Variants in KIAA1671 observed in about 807,000 individuals in gnomAD.
KIAA1671 encodes the protein uncharacterized protein KIAA1671.
A neutral mutation model predicts 131.2 loss-of-function variants in KIAA1671; 52 were observed. The ratio of observed to expected loss-of-function variants is 0.40; its 90% confidence interval spans 0.32 to 0.50. The LOEUF (loss-of-function observed/expected upper bound fraction) is 0.50, where lower values mean the gene tolerates loss of function less well. Among genes scored for constraint, KIAA1671 ranks in the 20% least tolerant of loss-of-function variants. The pLI is 0.73. For missense variants in KIAA1671, 2,360 were observed against 2,364.2 expected (o/e 1.00, Z 0.04); for synonymous variants, 1,003 against 961.6 (o/e 1.04, Z -0.80).
intron 1 of KIAA1671, among the ~76,000 whole-genome samples, chr22:24,976,857 A>G (rs1922942427): frequency 6.6e-6 from 1 of 152,120 alleles, no homozygotes; most frequent in South Asian, 2.1e-4. Context: ...CCTGCCAGTC[A>G]TGAGTGGGAC....
Position 25,028,004 on chromosome 22 carries a change from C to A in KIAA1671, c.5C>A (p.Ala2Asp). The A allele has an allele frequency of 6.8e-7, 1 of 1,479,112 alleles. No homozygotes were observed. Among genetic ancestry groups the A allele is most frequent in the Non-Finnish European group, 9.0e-7 (1 of 1,110,884 alleles). The allele number at this position is 1,479,112 out of a possible 1,614,324, so 91.6% of individuals were successfully genotyped here. A position where few individuals can be genotyped will look rare whatever the true frequency, so the allele number is the denominator to read the frequency against. M[A>D]TRVEVGSITP... ...CATGAATCCACAACCATAACCATGG[C>A]CACGCGGGTCGAGGTGGGCTCCATA... is the stretch of plus-strand genomic sequence containing the variant. Residue 2 changes from alanine to aspartate, a missense_variant, in exon 3 of 13, where the codon GCC becomes GAC. Ala to Asp is a moderately radical substitution (Grantham distance 126). Around this residue, in one of 3 missense-constraint regions of KIAA1671, gnomAD observed 1,185 missense variants for 1,126.2 expected, o/e 1.05. Coordinates refer to ENST00000358431, the MANE Select transcript of KIAA1671 (RefSeq NM_001145206.2).
chr22:25,020,837 G>A (rs1211938646), intron 1 of KIAA1671, among the ~76,000 whole-genome samples: 2 of 152,198 alleles, frequency 1.3e-5, no homozygotes, highest in Non-Finnish European at 2.9e-5. Flanking sequence ...ACAGACAGAT[G>A]GGGTGGTGTC....
intron 6 of KIAA1671, among the ~76,000 whole-genome samples, chr22:25,164,306 C>G (rs1372349359): frequency 1.3e-5 from 2 of 152,228 alleles, no homozygotes; most frequent in Non-Finnish European, 2.9e-5. Flanking sequence ...ACCAGGAGAA[C>G]TAAGAGCCCC....
intron 6 of KIAA1671, among the ~76,000 whole-genome samples, chr22:25,096,494 C>T (rs1185937816): frequency 6.6e-6 from 1 of 152,178 alleles, no homozygotes; most frequent in Non-Finnish European, 1.5e-5. Context: ...ATCTTCCCTC[C>T]CTGTTGCCCG....
chr22:24,968,958 G>GGTGC (rs1922452584), intron 1 of KIAA1671, among the ~76,000 whole-genome samples: 2 of 152,106 alleles, frequency 1.3e-5, no homozygotes, highest in East Asian at 3.9e-4. Flanking sequence ...GGAGTGCAGT[G>GGTGC]GTGCAGTCAT....
chr22:25,115,151 A>G (rs986555028), intron 6 of KIAA1671, among the ~76,000 whole-genome samples: 1 of 152,250 alleles, frequency 6.6e-6, no homozygotes, highest in Non-Finnish European at 1.5e-5. Flanking sequence ...AAAGGCAGGA[A>G]GAGGCACGTT....
At position 24,997,181 on chromosome 22, in the gene KIAA1671, C is replaced by A. The variant is rs1455340762; in HGVS notation, c.-207-28452C>A. Among the ~76,000 whole-genome samples the A allele has an allele frequency of 3.9e-5, 6 of 152,256 alleles. No homozygotes were observed. The East Asian group carries it at 1.2e-3, about 29-fold the overall frequency. ...TTCAGGAAGCAAGGCAGACGAGTAA[C>A]CAGGCATAAAACAGTGGGGTTGGTG... On this transcript the variant is annotated intron_variant, in intron 1 of 12. Coordinates refer to ENST00000358431, the MANE Select transcript of KIAA1671 (RefSeq NM_001145206.2).
At position 25,174,454 on chromosome 22, in the gene KIAA1671, C is replaced by T; in HGVS notation, c.4864C>T (p.Pro1622Ser). The T allele has an allele frequency of 6.5e-7, 1 of 1,542,448 alleles. No homozygotes were observed. Among genetic ancestry groups the T allele is most frequent in the Non-Finnish European group, 8.8e-7 (1 of 1,140,670 alleles). Residue 1622 changes from proline (P) to serine (S), a missense_variant, in exon 8 of 13, where the codon CCT becomes TCT. Physicochemically the swap from Pro to Ser is moderately conservative, Grantham distance 74 (BLOSUM62 -1). Coordinates refer to ENST00000358431, the MANE Select transcript of KIAA1671 (RefSeq NM_001145206.2). ...GGGGCCGCCTCCACCGGACGCCTGC[C>T]CTGAAAAGAGAGTAGATGACTTCTC... is the stretch of plus-strand genomic sequence containing the variant. ...MEGPPPPDAC[P>S]EKRVDDFSFI... is the part of the protein sequence containing the mutation.
rs1926100698 is a variant in KIAA1671, at chr22:25,028,680, G to A, written c.681G>A (p.Thr227=). The A allele has an allele frequency of 4.5e-6, 7 of 1,551,128 alleles. No individual in the cohort carries two copies. Among genetic ancestry groups the A allele is most frequent in the Non-Finnish European group, 6.1e-6 (7 of 1,147,004 alleles). ...PPSKASSVED[T]ARPLVEPRPR... is the part of the protein sequence containing the mutation. ...CAAAGGCCAGCAGTGTGGAGGACAC[G>A]GCACGCCCCCTTGTGGAGCCCAGGC... Residue 227 remains threonine, a synonymous_variant, in exon 3 of 13, where the codon ACG becomes ACA. Coordinates refer to ENST00000358431, the MANE Select transcript of KIAA1671 (RefSeq NM_001145206.2).
intron 6 of KIAA1671, among the ~76,000 whole-genome samples, chr22:25,138,158 A>G (rs140517481): frequency 1.2e-3 from 186 of 152,320 alleles, no homozygotes; most frequent in African/African-American, 4.4e-3. Context: ...TGAGCATTCT[A>G]AATGCCCGCT....
chr22:24,996,170 G>A (rs1924123808), intron 1 of KIAA1671, among the ~76,000 whole-genome samples: 1 of 151,824 alleles, frequency 6.6e-6, no homozygotes, highest in South Asian at 2.1e-4. Context: ...CCCTGTGTAT[G>A]CAGGTGGCTA....
intron 1 of KIAA1671, chr22:25,012,627 A>T (rs1049663689): frequency 6.6e-6 from 1 of 152,102 alleles, no homozygotes; most frequent in Non-Finnish European, 1.5e-5. Context: ...ACCTTGCAAA[A>T]ACTCTTTTGT....
intron 1 of KIAA1671, chr22:25,024,706 G>C (rs943510166): frequency 2.0e-5 from 3 of 152,172 alleles, no homozygotes; most frequent in African/African-American, 7.2e-5. Flanking sequence ...TATTAACTCA[G>C]CAATGATTTA....
intron 6 of KIAA1671, among the ~76,000 whole-genome samples, chr22:25,145,395 A>G (rs1241897825): frequency 6.6e-6 from 1 of 152,186 alleles, no homozygotes. Flanking sequence ...CATGAGGATG[A>G]TGGTGGTTTC....
intron 6 of KIAA1671, chr22:25,049,660 A>G (rs1026067151): frequency 4.5e-5 from 14 of 310,560 alleles, no homozygotes; most frequent in African/African-American, 2.8e-4. Context: ...CTGGGTTCCA[A>G]TCCCAGCACG....
chr22:25,185,179 G>C (rs1934433072), intron 11 of KIAA1671, 60 bp downstream of exon 11: 1 of 1,462,486 alleles, frequency 6.8e-7, no homozygotes, highest in African/African-American at 1.4e-5. Flanking sequence ...TACTTCTAGA[G>C]AGGTGCTCGC....
chr22:24,986,089 T>C (rs934844353), intron 1 of KIAA1671, among the ~76,000 whole-genome samples: 12 of 152,142 alleles, frequency 7.9e-5, no homozygotes, highest in African/African-American at 2.4e-4. Context: ...AAAGGACTTA[T>C]CTCAGATGAA....
intron 6 of KIAA1671, among the ~76,000 whole-genome samples, chr22:25,120,665 A>G (rs898566647): frequency 8.5e-5 from 13 of 152,220 alleles, no homozygotes; most frequent in African/African-American, 3.1e-4. Context: ...TCCTAACATC[A>G]CATTGATGAA....
At chr22:25,163,331 A>ATTTTTTTTTTTTTT (rs132895) in intron 6 of KIAA1671, among the ~76,000 whole-genome samples, 2 of 55,544 alleles carry the variant, frequency 3.6e-5, no homozygotes, top group Non-Finnish European at 3.1e-5. Context: ...ATTGCCTCAA[A>ATTTTTTTTTTTTTT]TTTTTTTTTT....
Sources: gnomAD v4.1 joint callset for allele counts (sites outside exome capture counted in the v4.1 genomes callset) on GRCh38, gnomAD v4.1.1 for gene constraint, gnomAD v4.1.1 regional missense constraint, MANE v1.5 for transcripts, NCBI Gene and HGNC (gene_info 2026-07-23, HGNC 2026-07-21) for gene names.